The following SDK1 variants were observed in gnomAD, a reference collection of about 807,000 sequenced individuals.
SDK1 encodes the protein sidekick cell adhesion molecule 1, also known as protein sidekick-1.
Under a neutral mutation model 245.5 loss-of-function variants are expected in SDK1, and 157 were observed. The observed-to-expected ratio is 0.64, with a 90% CI of 0.56 to 0.73. The LOEUF is 0.73. Ranked by LOEUF, SDK1 falls within the 30% of genes least tolerant of loss-of-function variation. SDK1 has a pLI of 0.00. For missense variants in SDK1, 3,583 were observed against 3,002.3 expected (o/e 1.19, Z -4.52); for synonymous variants, 1,647 against 1,278.5 (o/e 1.29, Z -6.15).
At chr7:4,145,101 C>G (rs368107464) in intron 28 of SDK1, among the ~76,000 whole-genome samples, 3 of 152,196 alleles carry the variant, frequency 2.0e-5, no homozygotes, top group Admixed American at 6.5e-5. Flanking sequence ...CAGGAGCCCT[C>G]CCTCAACTGG....
chr7:3,625,942 C>T (rs202164159), intron 2 of SDK1, among the ~76,000 whole-genome samples: 11 of 129,768 alleles, frequency 8.5e-5, no homozygotes, highest in East Asian at 4.4e-4. Flanking sequence ...TCTTTTCTTT[C>T]TTTTTTTTTT....
intron 22 of SDK1, among the ~76,000 whole-genome samples, chr7:4,083,066 G>GT (rs964428816): frequency 3.3e-5 from 5 of 152,050 alleles, no homozygotes; most frequent in Admixed American, 6.5e-5. Flanking sequence ...CTCTCAAATT[G>GT]TTAAAAAAAA....
chr7:3,994,193 G>A (rs1784541203), intron 14 of SDK1, among the ~76,000 whole-genome samples: 1 of 152,144 alleles, frequency 6.6e-6, no homozygotes, highest in Non-Finnish European at 1.5e-5. Flanking sequence ...AGTCCCTCAT[G>A]TGTATTTCTA....
intron 4 of SDK1, among the ~76,000 whole-genome samples, chr7:3,651,607 T>C (rs920239430): frequency 1.3e-5 from 2 of 152,126 alleles, no homozygotes; most frequent in Non-Finnish European, 2.9e-5. Context: ...AAATGGGGGA[T>C]AGATACTATG....
chr7:3,521,951 CAG>C lies in SDK1; in HGVS notation c.299-97123_299-97122del, dbSNP rs143922234. 2.7e-3 allele frequency among the ~76,000 whole-genome samples: 405 copies of C among 152,116 alleles called. 2 individuals are homozygous for C. Among genetic ancestry groups the C allele is most frequent in the African/African-American group, 9.3e-3 (385 of 41,496 alleles). ...ATGAGTCTGGGAGTGATCTGCAGGA[CAG>C]AGAGAAGGTGGAGAAGATGGAGTTA... On this transcript the variant is annotated intron_variant, in intron 1 of 44. Coordinates refer to ENST00000404826, the MANE Select transcript of SDK1 (RefSeq NM_152744.4).
intron 5 of SDK1, among the ~76,000 whole-genome samples, chr7:3,839,746 A>G (rs955226281): frequency 6.6e-6 from 1 of 152,196 alleles, no homozygotes; most frequent in African/African-American, 2.4e-5. Flanking sequence ...ATTTGTCACA[A>G]TGTATAATGA....
chr7:3,384,883 A>G (rs1781572668), intron 1 of SDK1, among the ~76,000 whole-genome samples: 1 of 152,226 alleles, frequency 6.6e-6, no homozygotes, highest in Admixed American at 6.5e-5. Flanking sequence ...AGATAGTGAA[A>G]TCAGAAAATA....
At position 3,315,441 on chromosome 7, in the gene SDK1, C is replaced by T. The variant is rs180679811; in HGVS notation, c.298+13557C>T. 3.3e-5 allele frequency among the ~76,000 whole-genome samples: 5 copies of T among 152,246 alleles called. No homozygotes were observed. In the East Asian group the frequency reaches 7.7e-4, roughly 24 times the overall value. On this transcript the variant is annotated intron_variant, in intron 1 of 44. Coordinates refer to ENST00000404826, the MANE Select transcript of SDK1 (RefSeq NM_152744.4). The stretch of plus-strand genomic sequence containing the variant: ...TGTCTCTGGAGCCCCTGTTCCTAGT[C>T]CTCTCCACATGAACAGCCCTTCCTG...
At chr7:3,958,618 G>A (rs144431204) in intron 7 of SDK1, among the ~76,000 whole-genome samples, 12 of 152,248 alleles carry the variant, frequency 7.9e-5, no homozygotes, top group East Asian at 1.9e-4. Flanking sequence ...CATAAAATAC[G>A]GTGCTGTAAA....
At chr7:3,736,287 A>G (rs61173285) in intron 4 of SDK1, among the ~76,000 whole-genome samples, 17,994 of 151,978 alleles carry the variant, frequency 0.12, 1,563 homozygotes, top group African/African-American at 0.24. Flanking sequence ...TTATAATGAG[A>G]CATTAAGGTT....
At chr7:4,111,069 G>A (rs1397495695) in intron 23 of SDK1, among the ~76,000 whole-genome samples, 1 of 152,150 alleles carries the variant, frequency 6.6e-6, no homozygotes, top group African/African-American at 2.4e-5. Flanking sequence ...AGAACCACAG[G>A]CAGCAGAGAT....
chr7:3,455,160 T>C, intron 1 of SDK1, among the ~76,000 whole-genome samples: 1 of 151,988 alleles, frequency 6.6e-6, no homozygotes, highest in East Asian at 1.9e-4. Flanking sequence ...TACTGTTGAG[T>C]TTTAAAAATA....
Position 3,813,268 on chromosome 7 carries a change from C to G in SDK1, c.714-8182C>G, listed in dbSNP as rs1325229589. On this transcript the variant is annotated intron_variant, in intron 4 of 44. Transcript: ENST00000404826. ...CAATGCTATCCCTCCCCCCTCCCCC[C>G]ACCCCACCACAGTCCCCAGAGTGTG... Among the ~76,000 whole-genome samples the G allele has an allele frequency of 4.0e-4, 51 of 126,994 alleles. 1 individual carries two copies. Among genetic ancestry groups the G allele is most frequent in the African/African-American group, 1.4e-3 (49 of 33,886 alleles). The allele number at this position is 126,994 out of a possible 152,430, so 83.3% of individuals were successfully genotyped here. A position where few individuals can be genotyped will look rare whatever the true frequency, so the allele number is the denominator to read the frequency against.
chr7:4,191,935 AGGGCTTTGAC>A (rs1783231739), intron 35 of SDK1, among the ~76,000 whole-genome samples: 1 of 152,216 alleles, frequency 6.6e-6, no homozygotes, highest in African/African-American at 2.4e-5. Context: ...CAGATTTGAA[AGGGCTTTGAC>A]GGCAGTTTCC....
Position 4,120,037 on chromosome 7 carries a change from G to A in SDK1, c.3823+5763G>A, listed in dbSNP as rs879767393. On this transcript the variant is annotated intron_variant, in intron 25 of 44. Coordinates refer to ENST00000404826, the MANE Select transcript of SDK1 (RefSeq NM_152744.4). The stretch of plus-strand genomic sequence containing the variant: ...AGTCATTGAAAATGAAAGCAGTTTA[G>A]ACACTGTCAAAAAGAGAATTACCAA... Among the ~76,000 whole-genome samples the A allele has an allele frequency of 4.7e-5, 7 of 148,914 alleles. 1 individual carries two copies. The highest frequency in any genetic ancestry group is 1.0e-4 in the Non-Finnish European group (7 of 66,706).
intron 20 of SDK1, among the ~76,000 whole-genome samples, chr7:4,069,906 G>T (rs994809512): frequency 2.0e-5 from 3 of 152,172 alleles, no homozygotes; most frequent in Non-Finnish European, 2.9e-5. Flanking sequence ...ACAGCCAATG[G>T]GCATGTGCGC....
At chr7:3,613,837 G>C (rs1290636547) in intron 1 of SDK1, among the ~76,000 whole-genome samples, 1 of 152,132 alleles carries the variant, frequency 6.6e-6, no homozygotes, top group African/African-American at 2.4e-5. Context: ...GAGATGGATG[G>C]AGCTGGAGGC....
chr7:3,986,069 G>A (rs541467226), intron 13 of SDK1, among the ~76,000 whole-genome samples: 36 of 152,212 alleles, frequency 2.4e-4, no homozygotes, highest in African/African-American at 8.7e-4. Flanking sequence ...TCCTGCTCCG[G>A]ATTCAGGAGA....
chr7:4,181,005 C>A (rs1032952217), intron 35 of SDK1, among the ~76,000 whole-genome samples: 1 of 152,182 alleles, frequency 6.6e-6, no homozygotes, highest in African/African-American at 2.4e-5. Flanking sequence ...TGCAGTTCAG[C>A]GGCATTCAGG....
Sources: allele counts gnomAD v4.1 joint callset (sites outside exome capture counted in the v4.1 genomes callset), GRCh38; gene constraint gnomAD v4.1.1; transcripts MANE v1.5; gene names NCBI Gene and HGNC (gene_info 2026-07-23, HGNC 2026-07-21).